CTIF: variants seen among roughly 807,000 people sequenced by gnomAD.
CTIF encodes CBP80/20-dependent translation initiation factor.
Under a neutral mutation model 66.0 loss-of-function variants are expected in CTIF, and 21 were observed. The ratio of observed to expected loss-of-function variants is 0.32; its 90% confidence interval spans 0.23 to 0.46. The LOEUF (loss-of-function observed/expected upper bound fraction) is 0.46. Among genes scored for constraint, CTIF ranks in the 20% least tolerant of loss-of-function variants. CTIF has a pLI of 1.00. For synonymous variants in CTIF, 345 were observed against 326.4 expected (o/e 1.06, Z -0.62); for missense variants, 739 against 812.7 (o/e 0.91, Z 1.10).
intron 1 of CTIF, among the ~76,000 whole-genome samples, chr18:48,614,004 C>T (rs533304016): frequency 2.0e-5 from 3 of 152,186 alleles, no homozygotes; most frequent in South Asian, 2.1e-4. Flanking sequence ...GGAGCAGAGC[C>T]GGGAGAGGAG....
intron 9 of CTIF, among the ~76,000 whole-genome samples, chr18:48,773,413 C>T (rs1416563817): frequency 3.3e-5 from 5 of 152,206 alleles, no homozygotes; most frequent in African/African-American, 1.2e-4. Flanking sequence ...TTTCCCTGCC[C>T]TACTCTCAGG....
chr18:48,647,617 G>A (rs1365681291), intron 3 of CTIF, among the ~76,000 whole-genome samples: 3 of 152,230 alleles, frequency 2.0e-5, no homozygotes, highest in African/African-American at 7.2e-5. Flanking sequence ...TATAAAAAGT[G>A]TAATTTACAA....
chr18:48,671,088 T>TCAGGTGGGACTGG (rs1353430709), intron 6 of CTIF, among the ~76,000 whole-genome samples: 1 of 152,174 alleles, frequency 6.6e-6, no homozygotes, highest in African/African-American at 2.4e-5. Flanking sequence ...TGTGGTGTGT[T>TCAGGTGGGACTGG]CAGGTGGGAC....
At chr18:48,545,655 G>C (rs2088728644) in intron 1 of CTIF, among the ~76,000 whole-genome samples, 1 of 152,134 alleles carries the variant, frequency 6.6e-6, no homozygotes, top group Non-Finnish European at 1.5e-5. Context: ...AGATCATGGT[G>C]AGTTCAGTGC....
chr18:48,552,316 T>C (rs1264881989), intron 1 of CTIF, among the ~76,000 whole-genome samples: 1 of 152,224 alleles, frequency 6.6e-6, no homozygotes, highest in East Asian at 1.9e-4. Context: ...TGAGGACGGG[T>C]TCTCTGAACT....
intron 7 of CTIF, among the ~76,000 whole-genome samples, chr18:48,740,426 G>C (rs1264294198): frequency 6.6e-6 from 1 of 152,206 alleles, no homozygotes; most frequent in African/African-American, 2.4e-5. Flanking sequence ...CCATGCACCT[G>C]GTGTCTCCAT....
chr18:48,855,119 G>T (rs1453760760), intron 10 of CTIF, among the ~76,000 whole-genome samples: 1 of 152,210 alleles, frequency 6.6e-6, no homozygotes, highest in East Asian at 1.9e-4. Flanking sequence ...TTGTGACTTT[G>T]TCTCTTTTGT....
chr18:48,586,855 C>G (rs1054292955), intron 1 of CTIF, among the ~76,000 whole-genome samples: 2 of 152,150 alleles, frequency 1.3e-5, no homozygotes, highest in African/African-American at 4.8e-5. Flanking sequence ...CGGTATCAGG[C>G]CACCACTCCT....
chr18:48,723,651 C>G (rs928385329), intron 7 of CTIF, among the ~76,000 whole-genome samples: 2 of 152,192 alleles, frequency 1.3e-5, no homozygotes, highest in African/African-American at 2.4e-5. Context: ...GCTCCCCTGA[C>G]TCCCAAGAGG....
At chr18:48,770,373 C>T (rs1395811007) in intron 9 of CTIF, among the ~76,000 whole-genome samples, 3 of 152,272 alleles carry the variant, frequency 2.0e-5, no homozygotes, top group Non-Finnish European at 4.4e-5. Context: ...CACAGAGAGC[C>T]CCGCTCCTGA....
chr18:48,791,555 C>T (rs1048458371), intron 9 of CTIF, among the ~76,000 whole-genome samples: 3 of 150,226 alleles, frequency 2.0e-5, no homozygotes, highest in East Asian at 2.0e-4. Context: ...CCTGGGGGCT[C>T]CCCTTAGTGG....
At chr18:48,823,589 G>A (rs1040096114) in intron 10 of CTIF, among the ~76,000 whole-genome samples, 1 of 152,174 alleles carries the variant, frequency 6.6e-6, no homozygotes, top group Non-Finnish European at 1.5e-5. Flanking sequence ...TTGAAATTAG[G>A]AAGTGTGATT....
At chr18:48,705,036 T>TTCC (rs1462402302) in intron 6 of CTIF, among the ~76,000 whole-genome samples, 8 of 152,280 alleles carry the variant, frequency 5.3e-5, no homozygotes, top group Admixed American at 5.2e-4. Flanking sequence ...CAAGAGCCTT[T>TTCC]TCCAGCCTCT....
intron 10 of CTIF, among the ~76,000 whole-genome samples, chr18:48,847,060 A>G (rs2069096067): frequency 6.6e-6 from 1 of 152,208 alleles, no homozygotes; most frequent in Non-Finnish European, 1.5e-5. Context: ...CTGTAATACC[A>G]GCACTTTGGG....
intron 9 of CTIF, among the ~76,000 whole-genome samples, chr18:48,810,142 TA>T (rs1297647958): frequency 5.9e-5 from 9 of 152,284 alleles, no homozygotes; most frequent in African/African-American, 1.9e-4. Flanking sequence ...TGAGACATTT[TA>T]CATTCTAGTT....
At chr18:48,835,266 A>G (rs934446890) in intron 10 of CTIF, among the ~76,000 whole-genome samples, 6 of 152,214 alleles carry the variant, frequency 3.9e-5, no homozygotes, top group Admixed American at 1.3e-4. Context: ...ATTAGCCACA[A>G]GGGTACCCAG....
chr18:48,681,632 C>T (rs927983860), intron 6 of CTIF, among the ~76,000 whole-genome samples: 1 of 152,124 alleles, frequency 6.6e-6, no homozygotes, highest in East Asian at 1.9e-4. Context: ...CTGCTGGCAC[C>T]CCCGGCTTCT....
intron 11 of CTIF, among the ~76,000 whole-genome samples, chr18:48,858,235 A>G (rs1298292966): frequency 6.6e-6 from 1 of 152,234 alleles, no homozygotes; most frequent in Non-Finnish European, 1.5e-5. Context: ...TGGGCCTGGC[A>G]GCTGTCATAA....
intron 6 of CTIF, among the ~76,000 whole-genome samples, chr18:48,689,166 A>G (rs1185328147): frequency 6.6e-6 from 1 of 152,186 alleles, no homozygotes; most frequent in Non-Finnish European, 1.5e-5. Context: ...CCCTGTCCTC[A>G]TTGTTCTCTG....
Sources: allele counts gnomAD v4.1 joint callset (sites outside exome capture counted in the v4.1 genomes callset), GRCh38; gene constraint gnomAD v4.1.1; transcripts MANE v1.5; gene names NCBI Gene and HGNC (gene_info 2026-07-23, HGNC 2026-07-21).